Variants in MTRR observed in about 807,000 individuals in gnomAD.
The protein encoded by MTRR is methionine synthase reductase.
In MTRR, 63 loss-of-function variants were observed where a neutral mutation model predicts 79.2. That is an observed-to-expected ratio of 0.80 (90% CI 0.65 to 0.98). The LOEUF (loss-of-function observed/expected upper bound fraction) is 0.98, where lower values mean the gene tolerates loss of function less well. MTRR is among the 50% of genes least tolerant of loss of function. MTRR has a pLI of 0.00. For missense variants in MTRR, 895 were observed against 839.6 expected (o/e 1.07, Z -0.82); for synonymous variants, 355 against 313.3 (o/e 1.13, Z -1.41).
chr5:7,863,274 A>C, intron 2 of MTRR: 1 of 382,856 alleles, frequency 2.6e-6, no homozygotes, highest in Non-Finnish European at 4.7e-6. Flanking sequence ...GGTAAAAAGG[A>C]GTGAGGAGAG....
intron 8 of MTRR, among the ~76,000 whole-genome samples, chr5:7,887,793 C>CATATATATATATATATATAT (rs372829698): frequency 6.5e-5 from 6 of 92,048 alleles, no homozygotes; most frequent in South Asian, 3.9e-4. Flanking sequence ...TGTGTGTGTG[C>CATATATATATATATATATAT]ATATATATAT....
chr5:7,868,785 G>C (rs1323085845), upstream of MTRR, among the ~76,000 whole-genome samples: 1 of 152,228 alleles, frequency 6.6e-6, no homozygotes, highest in Admixed American at 6.5e-5. Flanking sequence ...GTGTGTGCAA[G>C]ACAGACAGAC....
At position 7,859,350 on chromosome 5, in the gene MTRR, G is replaced by A. The variant is rs1746368523; in HGVS notation, n.392-2601G>A. ...CAGTCTAGAACATATTCTGCAAAGT[G>A]GCTAATTCACATTATATTTTTCTTT... On this transcript the variant is annotated intron_variant and non_coding_transcript_variant, in intron 1 of 3. Coordinates refer to the MTRR transcript ENST00000502509. 1.2e-5 allele frequency: 9 copies of A among 732,044 alleles called. No individual in the cohort carries two copies. In the East Asian group the frequency reaches 2.2e-4, roughly 18 times the overall value. 45.3% of individuals were successfully genotyped at this position (732,044 alleles called of 1,614,324 possible). A position where few individuals can be genotyped will look rare whatever the true frequency, so the allele number is the denominator to read the frequency against.
chr5:7,885,375 T>G (rs1736244491), intron 6 of MTRR: 1 of 270,550 alleles, frequency 3.7e-6, no homozygotes, highest in Non-Finnish European at 7.1e-6. Flanking sequence ...TTTTTATATT[T>G]ACATGGGTTA....
chr5:7,892,082 A>G (rs746453401), intron 10 of MTRR, among the ~76,000 whole-genome samples: 7 of 152,152 alleles, frequency 4.6e-5, no homozygotes, highest in African/African-American at 7.2e-5. Context: ...ACTGGCTTAT[A>G]GGATTCTCCC....
chr5:7,870,665 T>C (rs929237596), intron 1 of MTRR, 105 bp from the exon 2 acceptor site: 14 of 1,212,602 alleles, frequency 1.2e-5, no homozygotes, highest in Admixed American at 9.5e-5. Flanking sequence ...TTTCATATTA[T>C]GTGTGGGTAT....
intron 1 of MTRR, chr5:7,861,327 T>C: frequency 2.1e-6 from 2 of 939,058 alleles, no homozygotes; most frequent in Non-Finnish European, 3.1e-6. Flanking sequence ...TTATTATATA[T>C]TTTAGTTGCC....
At position 7,869,344 on chromosome 5, in the gene MTRR, C is replaced by A. The variant is rs910714381; in HGVS notation, c.-26+129C>A. 6.2e-6 allele frequency: 5 copies of A among 802,988 alleles called. No individual in the cohort carries two copies. In the African/African-American group the frequency reaches 1.2e-4, roughly 19 times the overall value. The allele number at this position is 802,988 out of a possible 1,614,324, so 49.7% of individuals were successfully genotyped here. On this transcript the variant is annotated intron_variant, in intron 1 of 14. Coordinates refer to ENST00000440940, the MANE Select transcript of MTRR (RefSeq NM_002454.3). ...CGTGGTTCCCACGCCCTTCGGCCTC[C>A]GGGGGTCGCCGCGGGCGCGGGCTGG...
intron 13 of MTRR, 53 bp from the exon 14 acceptor site, chr5:7,897,012 A>G: frequency 6.2e-7 from 1 of 1,612,500 alleles, no homozygotes; most frequent in Non-Finnish European, 8.5e-7. Flanking sequence ...TCTAATTCTC[A>G]GACTTTTTCA....
intron 4 of MTRR, among the ~76,000 whole-genome samples, chr5:7,876,802 C>A (rs572004275): frequency 6.6e-6 from 1 of 152,272 alleles, no homozygotes; most frequent in African/African-American, 2.4e-5. Flanking sequence ...GAGGGTCAAA[C>A]GGATTAATAC....
intron 2 of MTRR, chr5:7,862,684 T>C (rs1344707390): frequency 1.5e-5 from 11 of 715,208 alleles, no homozygotes; most frequent in Non-Finnish European, 2.6e-5. Flanking sequence ...GCTCTGCTGC[T>C]AACCCCAACT....
chr5:7,897,941 G>A lies in MTRR; in HGVS notation c.1952+694G>A, dbSNP rs537419498. On this transcript the variant is annotated intron_variant, in intron 14 of 14. Coordinates refer to ENST00000440940, the MANE Select transcript of MTRR (RefSeq NM_002454.3). The stretch of plus-strand genomic sequence containing the variant: ...TCTTTTTTTTTTCAACTGTAATGTA[G>A]AAGACAAAATACTGGCATCGTGACC... 2.6e-5 allele frequency among the ~76,000 whole-genome samples: 4 copies of A among 151,770 alleles called. No individual in the cohort carries two copies. In the South Asian group the frequency reaches 8.4e-4, roughly 32 times the overall value.
In MTRR at chr5:7,870,948, A is replaced by G. The variant is rs1747868443; in HGVS notation, c.129+25A>G. On this transcript the variant is annotated intron_variant, in intron 2 of 14. Coordinates refer to ENST00000440940, the MANE Select transcript of MTRR (RefSeq NM_002454.3). ...GGTTAGAGCCGTTACAGTGGATTTT[A>G]CCGTTTTGTGCTTTGAAGAATTTTG... is the stretch of plus-strand genomic sequence containing the variant. 3.7e-6 allele frequency: 6 copies of G among 1,614,058 alleles called. No homozygotes were observed. The East Asian group carries it at 8.9e-5, about 24-fold the overall frequency.
At chr5:7,855,477 A>G (rs1474008461) in intron 1 of MTRR, among the ~76,000 whole-genome samples, 1 of 151,652 alleles carries the variant, frequency 6.6e-6, no homozygotes, top group African/African-American at 2.4e-5. Flanking sequence ...AAATTATGGT[A>G]ATTTTCATGC....
chr5:7,870,925 T>A lies in MTRR; in HGVS notation c.129+2T>A, dbSNP rs2126645870. 1 of 1,614,172 alleles carries A rather than the reference T, an allele frequency of 6.2e-7. No homozygotes were observed. Among genetic ancestry groups the A allele is most frequent in the Non-Finnish European group, 8.5e-7 (1 of 1,179,998 alleles). On this transcript the variant is annotated splice_donor_variant, in intron 2 of 14. Coordinates refer to ENST00000440940, the MANE Select transcript of MTRR (RefSeq NM_002454.3). LOFTEE classifies it high-confidence loss of function. Reference sequence around the variant, plus strand: ...CACTGTATTAGTGAATCCGATAAGGTTAGAGCCGTTACAGTGGATTTTACC... The same window carrying A: ...CACTGTATTAGTGAATCCGATAAGGATAGAGCCGTTACAGTGGATTTTACC...
At chr5:7,867,341 A>G (rs1747046278), upstream of MTRR, 1 of 1,614,010 alleles carries the variant, frequency 6.2e-7, no homozygotes, top group South Asian at 1.1e-5. Flanking sequence ...AAATGTTTCC[A>G]ATTTTTCACC....
At chr5:7,861,038 A>C in intron 1 of MTRR, 1 of 654,842 alleles carries the variant, frequency 1.5e-6, no homozygotes, top group East Asian at 2.7e-5. Context: ...TGCCTGATCA[A>C]ATTCTTTAAA....
At chr5:7,886,732 T>C (rs762110307) in intron 8 of MTRR, 29 bp downstream of exon 8, 1 of 1,496,212 alleles carries the variant, frequency 6.7e-7, no homozygotes. Flanking sequence ...TTCAGGTAAC[T>C]ATTTTAAAAT....
intron 8 of MTRR, among the ~76,000 whole-genome samples, chr5:7,887,354 A>G (rs1736661216): frequency 1.3e-5 from 2 of 151,676 alleles, no homozygotes; most frequent in African/African-American, 4.8e-5. Flanking sequence ...GGAAGTGGCC[A>G]TTAATGGATA....
Sources: allele counts gnomAD v4.1 joint callset (sites outside exome capture counted in the v4.1 genomes callset), GRCh38; gene constraint gnomAD v4.1.1; transcripts MANE v1.5; gene names NCBI Gene and HGNC (gene_info 2026-07-23, HGNC 2026-07-21).